SNX24: variants seen among roughly 807,000 people sequenced by gnomAD.
SNX24 encodes sorting nexin-24.
A neutral mutation model predicts 28.7 loss-of-function variants in SNX24; 22 were observed. That is an observed-to-expected ratio of 0.77 (90% confidence interval 0.55 to 1.10). The LOEUF (loss-of-function observed/expected upper bound fraction) is 1.10. SNX24 is among the 50% of genes least tolerant of loss of function. SNX24 has a pLI of 0.00. For synonymous variants in SNX24, 69 were observed against 71.5 expected, an observed-to-expected ratio of 0.96 and a Z score of 0.18; for missense variants, 221 against 201.1, an observed-to-expected ratio of 1.10 and a Z score of -0.60.
At chr5:123,028,741 G>C in intron 5 of SNX24, 1 of 1,551,238 alleles carries the variant, frequency 6.4e-7, no homozygotes, top group East Asian at 2.2e-5. Context: ...ATTTCGGTTT[G>C]GTAAATGGGA....
At chr5:122,964,827 T>C (rs73287265) in intron 3 of SNX24, among the ~76,000 whole-genome samples, 7,619 of 152,240 alleles carry the variant, frequency 0.05, 654 homozygotes, top group African/African-American at 0.17. Flanking sequence ...GTATTCCTAA[T>C]AGATTTTTTT....
intron 1 of SNX24, among the ~76,000 whole-genome samples, chr5:122,881,327 C>A (rs562539709): frequency 6.6e-6 from 1 of 152,216 alleles, no homozygotes; most frequent in East Asian, 1.9e-4. Context: ...TATACTTACT[C>A]AACTTTCAGA....
intron 1 of SNX24, among the ~76,000 whole-genome samples, chr5:122,898,122 C>T (rs912724217): frequency 2.0e-5 from 3 of 152,150 alleles, no homozygotes; most frequent in African/African-American, 7.2e-5. Context: ...GAAATAATTA[C>T]ATGTGGTTTT....
At chr5:123,023,964 G>C in intron 5 of SNX24, 3 of 1,614,078 alleles carry the variant, frequency 1.9e-6, no homozygotes, top group Non-Finnish European at 2.5e-6. Context: ...GGACGGTCAT[G>C]CCCATCAGTT....
intron 1 of SNX24, among the ~76,000 whole-genome samples, chr5:122,918,234 A>T (rs902967451): frequency 6.6e-6 from 1 of 152,104 alleles, no homozygotes; most frequent in Non-Finnish European, 1.5e-5. Flanking sequence ...CAGCATACGA[A>T]TTGGGAGGTG....
chr5:122,918,843 T>G (rs1235125445), intron 1 of SNX24, among the ~76,000 whole-genome samples: 3 of 152,232 alleles, frequency 2.0e-5, no homozygotes. Flanking sequence ...GCACTGCCTT[T>G]GAATAAAGTT....
intron 1 of SNX24, among the ~76,000 whole-genome samples, chr5:122,930,315 T>C (rs886719410): frequency 6.6e-6 from 1 of 152,250 alleles, no homozygotes; most frequent in African/African-American, 2.4e-5. Context: ...GTTATTTGTT[T>C]TTTGAGTTTT....
intron 3 of SNX24, among the ~76,000 whole-genome samples, chr5:122,957,849 G>T (rs1358214311): frequency 6.6e-6 from 1 of 152,156 alleles, no homozygotes; most frequent in African/African-American, 2.4e-5. Flanking sequence ...ATATCAAAAT[G>T]TAATTGATTT....
chr5:122,989,613 T>C (rs771125144), intron 3 of SNX24, among the ~76,000 whole-genome samples: 3 of 152,188 alleles, frequency 2.0e-5, no homozygotes, highest in African/African-American at 2.4e-5. Flanking sequence ...TTGCTCTTTG[T>C]TATTTTTAGC....
chr5:122,926,477 A>G (rs1383582032), intron 1 of SNX24, among the ~76,000 whole-genome samples: 2 of 152,252 alleles, frequency 1.3e-5, no homozygotes, highest in Non-Finnish European at 2.9e-5. Context: ...AGATTTACAC[A>G]TGACACAAAG....
At chr5:122,859,645 T>C (rs1310666575) in intron 1 of SNX24, among the ~76,000 whole-genome samples, 1 of 152,136 alleles carries the variant, frequency 6.6e-6, no homozygotes, top group African/African-American at 2.4e-5. Flanking sequence ...AGTTGAACTC[T>C]GTAAAATATT....
intron 1 of SNX24, among the ~76,000 whole-genome samples, chr5:122,880,021 G>A (rs1397352536): frequency 3.9e-5 from 6 of 152,132 alleles, no homozygotes. Context: ...AATGTTTAAG[G>A]ACCAGGACTC....
chr5:122,902,491 A>G (rs1016984146), intron 1 of SNX24, among the ~76,000 whole-genome samples: 6 of 152,212 alleles, frequency 3.9e-5, no homozygotes, highest in African/African-American at 1.4e-4. Flanking sequence ...CATGCAGTTT[A>G]TATAGCATTT....
chr5:123,017,447 A>G (rs1581867863), intron 5 of SNX24, among the ~76,000 whole-genome samples: 1 of 148,290 alleles, frequency 6.7e-6, no homozygotes, highest in Non-Finnish European at 1.5e-5. Context: ...TTTTTTTAAG[A>G]TAAGTCTTTT....
chr5:122,883,162 C>G (rs981923482), intron 1 of SNX24, among the ~76,000 whole-genome samples: 2 of 152,186 alleles, frequency 1.3e-5, no homozygotes, highest in Non-Finnish European at 2.9e-5. Flanking sequence ...GGTTTCTAAT[C>G]TTGAAATTAC....
chr5:122,910,487 CT>C (rs1477630212), intron 1 of SNX24, among the ~76,000 whole-genome samples: 2 of 151,816 alleles, frequency 1.3e-5, no homozygotes, highest in Non-Finnish European at 2.9e-5. Flanking sequence ...TATTATTATA[CT>C]TTAAGTTTTA....
intron 1 of SNX24, among the ~76,000 whole-genome samples, chr5:122,894,320 G>A (rs527952602): frequency 1.3e-5 from 2 of 152,052 alleles, no homozygotes; most frequent in East Asian, 3.9e-4. Context: ...ATACACACAC[G>A]CTTATTTTAT....
chr5:122,980,509 TTC>T (rs1353965528), intron 3 of SNX24, among the ~76,000 whole-genome samples: 1 of 152,068 alleles, frequency 6.6e-6, no homozygotes, highest in Non-Finnish European at 1.5e-5. Flanking sequence ...TTAATTTACT[TTC>T]TTCTATAACA....
intron 5 of SNX24, among the ~76,000 whole-genome samples, chr5:123,021,168 A>C (rs1340170961): frequency 1.5e-5 from 2 of 136,910 alleles, no homozygotes; most frequent in Non-Finnish European, 3.1e-5. Context: ...CCACCCCTTC[A>C]CTGTCTATTC....
Sources: allele counts gnomAD v4.1 joint callset (sites outside exome capture counted in the v4.1 genomes callset), GRCh38; gene constraint gnomAD v4.1.1; transcripts MANE v1.5; gene names NCBI Gene and HGNC (gene_info 2026-07-23, HGNC 2026-07-21).